Variants in PTK2 observed in about 807,000 individuals in gnomAD.
The protein encoded by PTK2 is protein tyrosine kinase 2, also known as focal adhesion kinase 1.
Under a neutral mutation model 150.1 loss-of-function variants are expected in PTK2, and 45 were observed. That is an observed-to-expected ratio of 0.30 (90% CI 0.24 to 0.38). The LOEUF is 0.38. Among genes scored for constraint, PTK2 ranks in the 10% least tolerant of loss-of-function variants. PTK2 has a pLI of 1.00. For missense variants in PTK2, 919 were observed against 1,307.3 expected, an observed-to-expected ratio of 0.70 and a Z score of 4.58; for synonymous variants, 432 against 449.2, an observed-to-expected ratio of 0.96 and a Z score of 0.48.
chr8:140,710,657 T>A (rs144623784), intron 23 of PTK2, among the ~76,000 whole-genome samples: 1,766 of 151,944 alleles, frequency 0.012, 19 homozygotes, highest in Non-Finnish European at 0.019. Context: ...GGCAACAGAG[T>A]GAGACTCTGT....
intron 2 of PTK2, among the ~76,000 whole-genome samples, chr8:140,903,250 T>C (rs908338873): frequency 2.0e-5 from 3 of 152,134 alleles, no homozygotes; most frequent in Admixed American, 6.5e-5. Flanking sequence ...CTTTCCCCCA[T>C]TGCTTGTTTT....
At chr8:140,960,144 T>C (rs1383388523) in intron 1 of PTK2, among the ~76,000 whole-genome samples, 3 of 151,522 alleles carry the variant, frequency 2.0e-5, no homozygotes, top group South Asian at 2.1e-4. Context: ...TGAACATATA[T>C]TGTATTAGAA....
At chr8:140,920,180 A>G (rs1440211257) in intron 2 of PTK2, among the ~76,000 whole-genome samples, 2 of 152,178 alleles carry the variant, frequency 1.3e-5, no homozygotes. Context: ...TAAGCAAAAC[A>G]GCTGATTTGC....
chr8:140,767,702 T>A (rs1379952817), intron 14 of PTK2, among the ~76,000 whole-genome samples: 1 of 152,150 alleles, frequency 6.6e-6, no homozygotes, highest in Non-Finnish European at 1.5e-5. Context: ...CCCACGCTGG[T>A]CTCAAACTCC....
intron 2 of PTK2, among the ~76,000 whole-genome samples, chr8:140,912,062 G>A (rs2100163388): frequency 1.3e-5 from 2 of 151,988 alleles, no homozygotes; most frequent in Admixed American, 1.3e-4. Context: ...ACGAGACCTT[G>A]GCTCTACAAA....
intron 2 of PTK2, among the ~76,000 whole-genome samples, chr8:140,921,413 G>A (rs2100167389): frequency 6.6e-6 from 1 of 152,198 alleles, no homozygotes; most frequent in Non-Finnish European, 1.5e-5. Context: ...CATGTCTGTA[G>A]ATGGCTTCTC....
intron 14 of PTK2, among the ~76,000 whole-genome samples, chr8:140,786,071 A>G (rs2100084770): frequency 6.6e-6 from 1 of 152,218 alleles, no homozygotes; most frequent in South Asian, 2.1e-4. Flanking sequence ...AGCAGACTCC[A>G]GTATCTAGAA....
rs554315580 is a variant in PTK2, at chr8:140,958,174, G to A, written c.-121-32425C>T. On this transcript the variant is annotated intron_variant, in intron 1 of 31. Coordinates refer to ENST00000522684, the Ensembl canonical transcript of PTK2. ...TGTTTTTGAGATAGTGTCTCACTCTGTCACCCAGGCCAGAGTACAGTGGTG... is the reference window on the plus strand; with the variant it reads ...TGTTTTTGAGATAGTGTCTCACTCTATCACCCAGGCCAGAGTACAGTGGTG... 1.1e-3 allele frequency among the ~76,000 whole-genome samples: 160 copies of A among 152,236 alleles called. 1 individual carries two copies. The highest frequency in any genetic ancestry group is 1.9e-3 in the Non-Finnish European group (132 of 68,012).
intron 7 of PTK2, among the ~76,000 whole-genome samples, chr8:140,840,685 T>C (rs1316519772): frequency 6.6e-6 from 1 of 152,076 alleles, no homozygotes; most frequent in African/African-American, 2.4e-5. Context: ...AACTAAGAAA[T>C]ACACAGCACA....
chr8:140,981,708 T>C (rs1448063312), intron 1 of PTK2, among the ~76,000 whole-genome samples: 2 of 152,222 alleles, frequency 1.3e-5, no homozygotes, highest in Non-Finnish European at 2.9e-5. Context: ...CACAGCCAGC[T>C]CATTCCTTTA....
intron 13 of PTK2, among the ~76,000 whole-genome samples, chr8:140,791,326 G>A (rs889187428): frequency 2.6e-5 from 4 of 152,138 alleles, no homozygotes; most frequent in African/African-American, 9.7e-5. Context: ...ACAGGAACAT[G>A]CCACATTGCC....
intron 1 of PTK2, among the ~76,000 whole-genome samples, chr8:140,947,962 A>ATTTCT: frequency 2.6e-5 from 4 of 152,224 alleles, no homozygotes; most frequent in Admixed American, 2.6e-4. Flanking sequence ...TATAGGTGTT[A>ATTTCT]ACAACCTTAC....
At chr8:140,757,118 C>A (rs909853349) in intron 16 of PTK2, among the ~76,000 whole-genome samples, 1 of 152,080 alleles carries the variant, frequency 6.6e-6, no homozygotes, top group African/African-American at 2.4e-5. Context: ...CTGCTATTAC[C>A]TGTGTTTAAG....
At chr8:140,719,695 T>G (rs2100041706) in intron 22 of PTK2, among the ~76,000 whole-genome samples, 1 of 151,524 alleles carries the variant, frequency 6.6e-6, no homozygotes, top group Non-Finnish European at 1.5e-5. Flanking sequence ...CGTGACGAGG[T>G]CTTTGAGGTG....
chr8:140,705,285 C>G (rs1166398398), intron 24 of PTK2, among the ~76,000 whole-genome samples: 2 of 152,196 alleles, frequency 1.3e-5, no homozygotes, highest in African/African-American at 4.8e-5. Flanking sequence ...TTCAACAACT[C>G]TGTGAAGGAA....
chr8:140,694,854 G>A (rs903814072), intron 26 of PTK2, among the ~76,000 whole-genome samples: 34 of 152,278 alleles, frequency 2.2e-4, no homozygotes, highest in African/African-American at 7.0e-4. Flanking sequence ...AGACCTAGCT[G>A]CCACCATCAC....
At chr8:140,714,020 C>T (rs754489769) in intron 23 of PTK2, among the ~76,000 whole-genome samples, 1 of 152,132 alleles carries the variant, frequency 6.6e-6, no homozygotes, top group Non-Finnish European at 1.5e-5. Context: ...CACTGAGTAG[C>T]TAGGACCACA....
chr8:140,765,264 C>T (rs1479617367), intron 14 of PTK2: 1 of 152,154 alleles, frequency 6.6e-6, no homozygotes, highest in Non-Finnish European at 1.5e-5. Context: ...TTGTTTAACA[C>T]CAATGAAACG....
At chr8:140,834,738 C>T (rs926387096) in intron 7 of PTK2, among the ~76,000 whole-genome samples, 1 of 152,170 alleles carries the variant, frequency 6.6e-6, no homozygotes, top group Non-Finnish European at 1.5e-5. Context: ...AACCAATACA[C>T]TTAGCCATCG....
Sources: allele counts gnomAD v4.1 joint callset (sites outside exome capture counted in the v4.1 genomes callset), GRCh38; gene constraint gnomAD v4.1.1; transcripts MANE v1.5; gene names NCBI Gene and HGNC (gene_info 2026-07-23, HGNC 2026-07-21).